MATCAP2: variants seen among roughly 807,000 people sequenced by gnomAD.
MATCAP2 encodes the protein putative tyrosine carboxypeptidase MATCAP2.
At chr7:36,357,280 AG>A in the MATCAP2 span, 1 of 1,614,210 alleles carries the variant, frequency 6.2e-7, no homozygotes, top group African/African-American at 1.3e-5. Flanking sequence ...GGCAGTACCA[AG>A]TACCACTGCT....
At chr7:36,334,262 C>T in the MATCAP2 span, 131 of 1,005,496 alleles carry the variant, frequency 1.3e-4, 1 homozygote, top group South Asian at 2.2e-4. Flanking sequence ...ACCAGCCAGG[C>T]GCGGTGGCTC....
chr7:36,334,956 A>T, the MATCAP2 span: 524 of 1,218,822 alleles, frequency 4.3e-4, no homozygotes, highest in Middle Eastern at 7.9e-4. Flanking sequence ...TAAAATAAAT[A>T]CTACTAAGAA....
the MATCAP2 span, among the ~76,000 whole-genome samples, chr7:36,365,368 G>C: frequency 6.6e-6 from 1 of 152,122 alleles, no homozygotes; most frequent in South Asian, 2.1e-4. Context: ...GCGGGGCAGA[G>C]AACAGCATCC....
chr7:36,336,362 G>C, the MATCAP2 span: 5 of 1,206,780 alleles, frequency 4.1e-6, no homozygotes, highest in South Asian at 7.5e-5. Flanking sequence ...TCATAAGCTA[G>C]CTATGTTATT....
the MATCAP2 span, among the ~76,000 whole-genome samples, chr7:36,373,117 A>C: frequency 6.6e-6 from 1 of 152,134 alleles, no homozygotes; most frequent in Admixed American, 6.5e-5. Context: ...AAAAAAAAAA[A>C]AAAAAAGAGG....
At chr7:36,383,905 A>G in the MATCAP2 span, 1 of 1,603,240 alleles carries the variant, frequency 6.2e-7, no homozygotes. Flanking sequence ...CTGCCTTATG[A>G]TTAGGTCTTG....
At chr7:36,347,231 T>C in the MATCAP2 span, among the ~76,000 whole-genome samples, 3 of 152,212 alleles carry the variant, frequency 2.0e-5, no homozygotes. Flanking sequence ...GTTTTCTATA[T>C]AAAACTTTCA....
chr7:36,347,620 A>G, the MATCAP2 span, among the ~76,000 whole-genome samples: 1 of 152,228 alleles, frequency 6.6e-6, no homozygotes, highest in Non-Finnish European at 1.5e-5. Flanking sequence ...TTGTGAAGAC[A>G]AAATGAAAGC....
the MATCAP2 span, among the ~76,000 whole-genome samples, chr7:36,339,786 C>T: frequency 6.6e-6 from 1 of 152,168 alleles, no homozygotes; most frequent in African/African-American, 2.4e-5. Context: ...ACTGTGAAGA[C>T]TTAAAAATGG....
the MATCAP2 span, among the ~76,000 whole-genome samples, chr7:36,384,270 C>G: frequency 1.3e-5 from 2 of 152,122 alleles, no homozygotes; most frequent in African/African-American, 4.8e-5. Context: ...CTAGTTATTT[C>G]TACTTCAGAC....
At chr7:36,366,882 A>AC in the MATCAP2 span, 1 of 1,464,154 alleles carries the variant, frequency 6.8e-7, no homozygotes, top group East Asian at 2.7e-5. Context: ...TCCGCCCCGC[A>AC]CCCCCGCCGC....
At chr7:36,350,698 T>C in the MATCAP2 span, among the ~76,000 whole-genome samples, 2 of 152,132 alleles carry the variant, frequency 1.3e-5, no homozygotes, top group Non-Finnish European at 2.9e-5. Context: ...TGCGCCACCA[T>C]GCCCAGATAA....
At chr7:36,338,347 GAGCACAGT>G in the MATCAP2 span, among the ~76,000 whole-genome samples, 1 of 152,088 alleles carries the variant, frequency 6.6e-6, no homozygotes, top group East Asian at 1.9e-4. Context: ...ACCCAGGTCG[GAGCACAGT>G]AGCGCGATCA....
the MATCAP2 span, among the ~76,000 whole-genome samples, chr7:36,384,904 A>G: frequency 6.6e-6 from 1 of 152,166 alleles, no homozygotes; most frequent in African/African-American, 2.4e-5. Flanking sequence ...TTAGGAGAAT[A>G]CTAGGTTATT....
the MATCAP2 span, among the ~76,000 whole-genome samples, chr7:36,349,438 C>T: frequency 6.6e-6 from 1 of 152,084 alleles, no homozygotes; most frequent in African/African-American, 2.4e-5. Flanking sequence ...ATAAATACAT[C>T]TCAGACACTG....
the MATCAP2 span, chr7:36,383,971 A>G: frequency 2.7e-6 from 3 of 1,113,864 alleles, no homozygotes; most frequent in Non-Finnish European, 3.8e-6. Context: ...TACTTTGTGA[A>G]TTAAGTATAA....
chr7:36,390,055 T>A, the MATCAP2 span: 1 of 1,613,742 alleles, frequency 6.2e-7, no homozygotes, highest in Non-Finnish European at 8.5e-7. Flanking sequence ...GTGAGTGAGT[T>A]TGCGGGTGCA....
At chr7:36,385,555 TGGG>T in the MATCAP2 span, among the ~76,000 whole-genome samples, 2 of 151,948 alleles carry the variant, frequency 1.3e-5, no homozygotes, top group Non-Finnish European at 2.9e-5. Context: ...AAGGCCAAGG[TGGG>T]AGGATCATTT....
chr7:36,388,189 A>G, the MATCAP2 span, among the ~76,000 whole-genome samples: 1 of 152,120 alleles, frequency 6.6e-6, no homozygotes, highest in East Asian at 1.9e-4. Flanking sequence ...CCTGGTGTCC[A>G]TGAACTTCAC....
Sources: allele counts gnomAD v4.1 joint callset (sites outside exome capture counted in the v4.1 genomes callset), GRCh38; gene constraint gnomAD v4.1.1; transcripts MANE v1.5; gene names NCBI Gene and HGNC (gene_info 2026-07-23, HGNC 2026-07-21).